STEAP1B: variants seen among roughly 807,000 people sequenced by gnomAD.
The protein encoded by STEAP1B is STEAP family member 1B.
In STEAP1B, 13 loss-of-function variants were observed where a neutral mutation model predicts 27.9. The ratio of observed to expected loss-of-function variants is 0.47; its 90% confidence interval spans 0.30 to 0.74. The LOEUF (loss-of-function observed/expected upper bound fraction) is 0.74. Among genes scored for constraint, STEAP1B ranks in the 30% least tolerant of loss-of-function variants. The pLI, the probability that STEAP1B is intolerant of heterozygous loss-of-function variation, is 0.06. For missense variants in STEAP1B, 250 were observed against 298.7 expected (o/e 0.84, Z 1.20); for synonymous variants, 86 against 107.1 (o/e 0.80, Z 1.22).
At chr7:22,489,406 A>T (rs1786278827) in intron 4 of STEAP1B, among the ~76,000 whole-genome samples, 1 of 152,204 alleles carries the variant, frequency 6.6e-6, no homozygotes, top group Non-Finnish European at 1.5e-5. Context: ...ATAATTGGGC[A>T]CCATTATGGG....
chr7:22,497,175 G>A (rs1234949243), intron 1 of STEAP1B, among the ~76,000 whole-genome samples: 4 of 152,192 alleles, frequency 2.6e-5, no homozygotes, highest in Non-Finnish European at 4.4e-5. Flanking sequence ...TTGGCTTAGC[G>A]ATGGCACAGA....
intron 4 of STEAP1B, among the ~76,000 whole-genome samples, chr7:22,473,367 G>A (rs191591071): frequency 4.6e-5 from 7 of 152,322 alleles, no homozygotes; most frequent in Admixed American, 2.0e-4. Context: ...GATGTAGAAA[G>A]TGACTCAGGT....
At chr7:22,422,239 A>C (rs190294065) in intron 4 of STEAP1B, among the ~76,000 whole-genome samples, 240 of 152,280 alleles carry the variant, frequency 1.6e-3, no homozygotes, top group Middle Eastern at 3.4e-3. Flanking sequence ...TGTGGCTGTT[A>C]CTGTGGAGTC....
At chr7:22,424,755 A>C (rs1445929373) in intron 4 of STEAP1B, among the ~76,000 whole-genome samples, 1 of 152,170 alleles carries the variant, frequency 6.6e-6, no homozygotes, top group East Asian at 1.9e-4. Flanking sequence ...TTATCAGAGA[A>C]CGTTTAAGTA....
intron 4 of STEAP1B, among the ~76,000 whole-genome samples, chr7:22,467,423 G>C (rs563467147): frequency 6.6e-6 from 1 of 152,318 alleles, no homozygotes; most frequent in South Asian, 2.1e-4. Flanking sequence ...AGCTGTGCAC[G>C]TGTGTGTATG....
At chr7:22,436,315 A>T (rs1785253531) in intron 4 of STEAP1B, among the ~76,000 whole-genome samples, 1 of 152,176 alleles carries the variant, frequency 6.6e-6, no homozygotes, top group Non-Finnish European at 1.5e-5. Flanking sequence ...CCATCACCAC[A>T]ATCTGTGCCA....
intron 4 of STEAP1B, among the ~76,000 whole-genome samples, chr7:22,442,351 G>T (rs777433105): frequency 6.6e-6 from 1 of 152,232 alleles, no homozygotes; most frequent in Non-Finnish European, 1.5e-5. Flanking sequence ...GACGACAAAC[G>T]TGTTTCTCCC....
At chr7:22,458,756 A>ATC (rs1785630219) in intron 4 of STEAP1B, among the ~76,000 whole-genome samples, 1 of 152,190 alleles carries the variant, frequency 6.6e-6, no homozygotes, top group African/African-American at 2.4e-5. Flanking sequence ...GCAGGAGATA[A>ATC]AACAGAAAGA....
intron 4 of STEAP1B, among the ~76,000 whole-genome samples, chr7:22,435,663 C>A (rs1041207713): frequency 3.2e-4 from 48 of 152,170 alleles, no homozygotes; most frequent in African/African-American, 1.1e-3. Context: ...TGAGACAAGA[C>A]AGTATTCAGT....
intron 1 of STEAP1B, among the ~76,000 whole-genome samples, chr7:22,497,575 G>A (rs1435578335): frequency 5.3e-5 from 8 of 152,110 alleles, no homozygotes; most frequent in East Asian, 1.9e-4. Context: ...CCAACTCTGT[G>A]ACCAACATTA....
intron 4 of STEAP1B, among the ~76,000 whole-genome samples, chr7:22,448,771 C>T (rs1233710548): frequency 6.6e-6 from 1 of 152,058 alleles, no homozygotes; most frequent in African/African-American, 2.4e-5. Context: ...GGAAAGAGTA[C>T]ATGTGGAAGT....
At chr7:22,447,108 T>G (rs1785419977) in intron 4 of STEAP1B, among the ~76,000 whole-genome samples, 1 of 152,200 alleles carries the variant, frequency 6.6e-6, no homozygotes. Context: ...ACTGGTAGCC[T>G]TAGTATAGAA....
intron 4 of STEAP1B, among the ~76,000 whole-genome samples, chr7:22,456,772 A>T (rs1471920121): frequency 6.6e-6 from 1 of 151,262 alleles, no homozygotes; most frequent in African/African-American, 2.4e-5. Context: ...TAGGCCAAGA[A>T]GGGAACAGAA....
chr7:22,467,300 A>G (rs1257022628), intron 4 of STEAP1B, among the ~76,000 whole-genome samples: 1 of 152,200 alleles, frequency 6.6e-6, no homozygotes, highest in African/African-American at 2.4e-5. Context: ...ATCTGCTTAA[A>G]AGCCTGCCAG....
chr7:22,461,433 T>A (rs182559276), intron 4 of STEAP1B, among the ~76,000 whole-genome samples: 161 of 152,190 alleles, frequency 1.1e-3, no homozygotes, highest in African/African-American at 3.5e-3. Flanking sequence ...CAGCTAATTT[T>A]CGTATTTTTA....
intron 4 of STEAP1B, among the ~76,000 whole-genome samples, chr7:22,488,677 A>G (rs1158222433): frequency 6.6e-6 from 1 of 152,238 alleles, no homozygotes; most frequent in Admixed American, 6.5e-5. Flanking sequence ...CCACATCACT[A>G]CAGATGATAA....
At chr7:22,449,349 C>A (rs889653590) in intron 4 of STEAP1B, among the ~76,000 whole-genome samples, 1 of 152,284 alleles carries the variant, frequency 6.6e-6, no homozygotes, top group South Asian at 2.1e-4. Context: ...TCCATGAGTT[C>A]AATTGTTTTG....
chr7:22,427,638 A>G (rs978529992), intron 4 of STEAP1B, among the ~76,000 whole-genome samples: 2 of 152,244 alleles, frequency 1.3e-5, no homozygotes, highest in African/African-American at 4.8e-5. Flanking sequence ...AGACTGAAAA[A>G]CAGATGAACT....
At chr7:22,490,376 C>A (rs1000968944) in intron 4 of STEAP1B, among the ~76,000 whole-genome samples, 4 of 152,098 alleles carry the variant, frequency 2.6e-5, no homozygotes, top group African/African-American at 9.7e-5. Context: ...ATCCTATTGG[C>A]CTAGAATATG....
Sources: allele counts gnomAD v4.1 joint callset (sites outside exome capture counted in the v4.1 genomes callset), GRCh38; gene constraint gnomAD v4.1.1; transcripts MANE v1.5; gene names NCBI Gene and HGNC (gene_info 2026-07-23, HGNC 2026-07-21).